ATP6AP2: variants seen among roughly 807,000 people sequenced by gnomAD.
ATP6AP2 encodes ATPase H+ transporting accessory protein 2.
Under a neutral mutation model 23.4 loss-of-function variants are expected in ATP6AP2, and 1 was observed. That is an observed-to-expected ratio of 0.04 (90% CI 0.02 to 0.20). The LOEUF (loss-of-function observed/expected upper bound fraction) is 0.20, where lower values mean the gene tolerates loss of function less well. ATP6AP2 is among the 10% of genes least tolerant of loss of function. The pLI is 1.00. For synonymous variants in ATP6AP2, 90 were observed against 97.1 expected, an observed-to-expected ratio of 0.93 and a Z score of 0.43; for missense variants, 174 against 271.3, an observed-to-expected ratio of 0.64 and a Z score of 2.52.
chrX:40,598,822 A>G, intron 6 of ATP6AP2, 88 bp downstream of exon 6: 1 of 904,342 alleles, frequency 1.1e-6, no homozygotes, highest in East Asian at 3.1e-5. Context: ...GAAAAGTTTG[A>G]TTAAGTATGC....
At position 40,581,675 on chromosome X, in the gene ATP6AP2, G is replaced by C. The variant is rs151329769; in HGVS notation, c.37+573G>C. 9.8e-3 allele frequency among the ~76,000 whole-genome samples: 1,096 copies of C among 111,845 alleles called. 13 individuals are homozygous for C. Among genetic ancestry groups the C allele is most frequent in the African/African-American group, 0.034 (1,042 of 30,727 alleles). On this transcript the variant is annotated intron_variant, in intron 1 of 8. Coordinates refer to ENST00000636580, the MANE Select transcript of ATP6AP2 (RefSeq NM_005765.3). ...CAAAGCACCTCTCAATAGTTTGTCA[G>C]AGTTCCAAATTTTAAGGATTTGGAA...
intron 3 of ATP6AP2, 159 bp downstream of exon 3, chrX:40,591,524 A>C: frequency 1.6e-6 from 1 of 640,377 alleles, no homozygotes. Flanking sequence ...TAAGAAAATT[A>C]CATGATGATT....
chrX:40,592,217 A>T (rs1021714691), intron 3 of ATP6AP2: 2 of 112,871 alleles, frequency 1.8e-5, no homozygotes, highest in African/African-American at 6.4e-5. Context: ...CCTTTGGTCA[A>T]ATACGGAAGA....
At chrX:40,601,312 A>AG (rs1469998391) in intron 8 of ATP6AP2, among the ~76,000 whole-genome samples, 2 of 110,838 alleles carry the variant, frequency 1.8e-5, no homozygotes, top group East Asian at 5.6e-4. Context: ...GAAAACAAAA[A>AG]GAAGTGAATG....
chrX:40,598,694 T>C lies in ATP6AP2; in HGVS notation c.548T>C (p.Phe183Ser). 1 of 1,210,941 alleles carries C rather than the reference T, an allele frequency of 8.3e-7. No individual in the cohort carries two copies. Among genetic ancestry groups the C allele is most frequent in the Non-Finnish European group, 1.1e-6 (1 of 895,101 alleles). The change falls in exon 6 of 9, where the codon TTT (phenylalanine) becomes TCT (serine). Residue 183 changes from phenylalanine (F) to serine (S), a missense_variant. Physicochemically the swap from Phe to Ser is radical, Grantham distance 155. Coordinates refer to ENST00000636580, the MANE Select transcript of ATP6AP2 (RefSeq NM_005765.3). ...GGCTCTCTGAAGGTTGACCTGCTCT[T>C]TCTTTCTGAACTGCAAGTGCTACAT... ...LSRNNEVDLL[F>S]LSELQVLHDI...
chrX:40,600,943 A>AAAAAAAAAG, intron 8 of ATP6AP2, 62 bp downstream of exon 8: 1 of 1,120,474 alleles, frequency 8.9e-7, no homozygotes, highest in Non-Finnish European at 1.2e-6. Flanking sequence ...AAAAAAAAAA[A>AAAAAAAAAG]ACCAAGTCCT....
At chrX:40,601,890 C>G (rs766579136) in intron 8 of ATP6AP2, among the ~76,000 whole-genome samples, 17 of 112,260 alleles carry the variant, frequency 1.5e-4, no homozygotes, top group Non-Finnish European at 2.8e-4. Context: ...GATGGAAGGA[C>G]CTTTGTTTCA....
intron 3 of ATP6AP2, among the ~76,000 whole-genome samples, chrX:40,594,384 A>G (rs746725675): frequency 8.9e-6 from 1 of 112,652 alleles, no homozygotes; most frequent in Non-Finnish European, 1.9e-5. Context: ...GGGAGAAAAG[A>G]CACTGTCATT....
In ATP6AP2 at chrX:40,600,889, T is replaced by C; in HGVS notation, c.858+8T>C. On this transcript the variant is annotated splice_region_variant and intron_variant, in intron 8 of 8. Coordinates refer to ENST00000636580, the MANE Select transcript of ATP6AP2 (RefSeq NM_005765.3). ...CTTGAGGCAAAACAAGCGGTGAGTA[T>C]ATTTTGAGATCCTGCTTTAAAACTG... 1 of 1,199,368 alleles carries C rather than the reference T, an allele frequency of 8.3e-7. No individual in the cohort carries two copies. Among genetic ancestry groups the C allele is most frequent in the Non-Finnish European group, 1.1e-6 (1 of 890,626 alleles).
intron 1 of ATP6AP2, among the ~76,000 whole-genome samples, chrX:40,584,757 C>T (rs1926422618): frequency 9.0e-6 from 1 of 111,169 alleles, no homozygotes; most frequent in Non-Finnish European, 1.9e-5. Context: ...CAGGCATGCA[C>T]CACCACATCT....
chrX:40,582,651 A>G, intron 1 of ATP6AP2, among the ~76,000 whole-genome samples: 1 of 112,011 alleles, frequency 8.9e-6, no homozygotes, highest in Non-Finnish European at 1.9e-5. Flanking sequence ...GGCTCTGGAA[A>G]GGTCTTTCTG....
chrX:40,593,232 G>A (rs745980150), intron 3 of ATP6AP2, among the ~76,000 whole-genome samples: 1 of 109,574 alleles, frequency 9.1e-6, no homozygotes, highest in Non-Finnish European at 1.9e-5. Flanking sequence ...GGGTGACAGA[G>A]CGAGACTCCA....
At chrX:40,598,098 G>A (rs1433440459) in intron 5 of ATP6AP2, 1 of 179,601 alleles carries the variant, frequency 5.6e-6, no homozygotes, top group Non-Finnish European at 1.0e-5. Flanking sequence ...CTGGTAACTT[G>A]GAAGCCATTG....
At chrX:40,601,404 C>T (rs1044154264) in intron 8 of ATP6AP2, among the ~76,000 whole-genome samples, 16 of 111,883 alleles carry the variant, frequency 1.4e-4, no homozygotes, top group Admixed American at 1.3e-3. Context: ...TAGTCCCTCA[C>T]TTACTGAGAT....
intron 1 of ATP6AP2, among the ~76,000 whole-genome samples, chrX:40,584,606 G>A (rs759006759): frequency 4.6e-4 from 51 of 110,823 alleles, no homozygotes; most frequent in African/African-American, 1.5e-3. Flanking sequence ...TCAGTCTCCC[G>A]AGTAGCTAGG....
intron 1 of ATP6AP2, among the ~76,000 whole-genome samples, chrX:40,582,889 G>A (rs1926364865): frequency 9.0e-6 from 1 of 111,716 alleles, no homozygotes; most frequent in African/African-American, 3.3e-5. Context: ...TAGCATAGCC[G>A]AGTTCATACA....
intron 2 of ATP6AP2, 40 bp from the exon 3 acceptor site, chrX:40,591,194 G>A (rs1174459633): frequency 5.8e-6 from 7 of 1,206,864 alleles, no homozygotes; most frequent in African/African-American, 3.5e-5. Flanking sequence ...GGGTTCCTGA[G>A]TTGATAATTA....
chrX:40,603,368 AGGAAAG>A (rs1926989558), intron 8 of ATP6AP2: 1 of 103,233 alleles, frequency 9.7e-6, no homozygotes, highest in African/African-American at 3.5e-5. Flanking sequence ...AAAAAAAAAA[AGGAAAG>A]AAACAAAGAG....
intron 1 of ATP6AP2, among the ~76,000 whole-genome samples, chrX:40,586,258 G>T (rs1346159893): frequency 9.0e-6 from 1 of 111,528 alleles, no homozygotes; most frequent in Admixed American, 9.6e-5. Flanking sequence ...GCCATCTTTT[G>T]ATGGCTATTA....
Sources: allele counts gnomAD v4.1 joint callset (sites outside exome capture counted in the v4.1 genomes callset), GRCh38; gene constraint gnomAD v4.1.1; transcripts MANE v1.5; gene names NCBI Gene and HGNC (gene_info 2026-07-23, HGNC 2026-07-21).